TMEM245: variants seen among roughly 807,000 people sequenced by gnomAD.
The protein encoded by TMEM245 is protein CG-2.
In TMEM245, 69 loss-of-function variants were observed where a neutral mutation model predicts 101.2. The observed-to-expected ratio is 0.68, with a 90% CI of 0.56 to 0.83. The LOEUF is 0.83. Among genes scored for constraint, TMEM245 ranks in the 40% least tolerant of loss-of-function variants. The pLI, the probability that TMEM245 is intolerant of heterozygous loss-of-function variation, is 0.00. For missense variants in TMEM245, 1,075 were observed against 1,092.8 expected, an observed-to-expected ratio of 0.98 and a Z score of 0.23; for synonymous variants, 537 against 449.8, an observed-to-expected ratio of 1.19 and a Z score of -2.45.
chr9:109,088,464 TA>T (rs1829904748), intron 5 of TMEM245, among the ~76,000 whole-genome samples: 1 of 151,880 alleles, frequency 6.6e-6, no homozygotes, highest in Non-Finnish European at 1.5e-5. Context: ...TAACAAACTT[TA>T]AGGAAAAGAG....
intron 3 of TMEM245, among the ~76,000 whole-genome samples, chr9:109,100,270 GA>G (rs1273256698): frequency 2.0e-5 from 3 of 152,138 alleles, no homozygotes; most frequent in Non-Finnish European, 4.4e-5. Context: ...AGAGCCTGGG[GA>G]GGGGAAAGAA....
In TMEM245 at chr9:109,119,827, C is replaced by A. The variant is rs558457881; in HGVS notation, c.87G>T (p.Pro29=). ...GCGGGGTCTCCCCGCCACCGCCACT[C>A]GGCCCGACCGCGCGCGGGACCCGCG... ...PAPRVPRAVG[P]SGGGGETPRT... Residue 29 remains proline (P), a synonymous_variant, in exon 1 of 18, where the codon CCG becomes CCT. Coordinates refer to ENST00000374586, the MANE Select transcript of TMEM245 (RefSeq NM_032012.4). 2.1e-5 allele frequency: 29 copies of A among 1,364,278 alleles called. 2 individuals are homozygous for A. In the South Asian group the frequency reaches 5.3e-4, roughly 25 times the overall value. The allele number at this position is 1,364,278 out of a possible 1,614,324, so 84.5% of individuals were successfully genotyped here. A position where few individuals can be genotyped will look rare whatever the true frequency, so the allele number is the denominator to read the frequency against.
chr9:109,059,171 A>G (rs1828934285), intron 11 of TMEM245, among the ~76,000 whole-genome samples: 1 of 152,182 alleles, frequency 6.6e-6, no homozygotes, highest in African/African-American at 2.4e-5. Context: ...TTTTCAGCAG[A>G]TGGGATCAAA....
intron 3 of TMEM245, among the ~76,000 whole-genome samples, chr9:109,102,086 C>T (rs1267190594): frequency 6.6e-6 from 1 of 152,110 alleles, no homozygotes; most frequent in Non-Finnish European, 1.5e-5. Context: ...TGAAAGAAAA[C>T]AAAGGAGATA....
intron 17 of TMEM245, among the ~76,000 whole-genome samples, chr9:109,026,884 C>T (rs754645417): frequency 6.6e-6 from 1 of 151,990 alleles, no homozygotes; most frequent in Non-Finnish European, 1.5e-5. Flanking sequence ...TCTCTCTCTC[C>T]ATGTGACACA....
chr9:109,071,461 G>A (rs962212186), intron 9 of TMEM245, among the ~76,000 whole-genome samples: 11 of 151,568 alleles, frequency 7.3e-5, no homozygotes, highest in Non-Finnish European at 1.3e-4. Context: ...AAAATTAGCC[G>A]AGTATAGTGG....
At chr9:109,040,937 T>C (rs112681741) in intron 14 of TMEM245, among the ~76,000 whole-genome samples, 6 of 152,332 alleles carry the variant, frequency 3.9e-5, no homozygotes, top group African/African-American at 1.4e-4. Context: ...ATGCTTTCAT[T>C]TCTCGTCTGT....
At chr9:109,081,588 G>A (rs1305770639) in intron 7 of TMEM245, among the ~76,000 whole-genome samples, 1 of 152,064 alleles carries the variant, frequency 6.6e-6, no homozygotes, top group African/African-American at 2.4e-5. Context: ...GCACAAAACA[G>A]CCTTCAGGTT....
chr9:109,096,863 T>A (rs1250561613), intron 3 of TMEM245, among the ~76,000 whole-genome samples: 1 of 152,216 alleles, frequency 6.6e-6, no homozygotes, highest in Non-Finnish European at 1.5e-5. Context: ...AACAAGATCA[T>A]TGGATAGCTC....
chr9:109,045,258 C>T (rs533317715), intron 14 of TMEM245, among the ~76,000 whole-genome samples: 4 of 152,244 alleles, frequency 2.6e-5, no homozygotes, highest in Non-Finnish European at 5.9e-5. Context: ...TCACATCTTC[C>T]CTTTCTTGAT....
chr9:109,037,183 CA>C (rs1323783664), intron 15 of TMEM245, among the ~76,000 whole-genome samples: 1 of 152,184 alleles, frequency 6.6e-6, no homozygotes, highest in East Asian at 1.9e-4. Flanking sequence ...AGAAGCACCA[CA>C]ACAGATCTTA....
intron 3 of TMEM245, among the ~76,000 whole-genome samples, chr9:109,099,592 T>C (rs750635742): frequency 1.9e-4 from 29 of 152,200 alleles, no homozygotes; most frequent in Non-Finnish European, 3.2e-4. Context: ...CCTAAGTTTC[T>C]TCATTTGTAA....
At chr9:109,072,582 G>A (rs901723258) in intron 9 of TMEM245, among the ~76,000 whole-genome samples, 7 of 152,038 alleles carry the variant, frequency 4.6e-5, no homozygotes, top group African/African-American at 1.2e-4. Context: ...TTCCTTTGTC[G>A]CCACCGAACT....
At chr9:109,085,230 T>TG (rs1471956085) in intron 7 of TMEM245, among the ~76,000 whole-genome samples, 2 of 152,218 alleles carry the variant, frequency 1.3e-5, no homozygotes, top group African/African-American at 2.4e-5. Context: ...CCTAGCATCC[T>TG]GGGTAGTTAG....
chr9:109,118,842 C>T (rs752349162), intron 1 of TMEM245, among the ~76,000 whole-genome samples: 11 of 152,198 alleles, frequency 7.2e-5, no homozygotes, highest in Non-Finnish European at 1.3e-4. Context: ...CTAAGACACC[C>T]AAACCCCTCT....
In TMEM245 at chr9:109,020,206, C is replaced by T. The variant is rs560464422; in HGVS notation, c.*254G>A. 2 of 494,450 alleles carry T rather than the reference C, an allele frequency of 4.0e-6. No homozygotes were observed. The highest frequency in any genetic ancestry group is 4.7e-5 in the South Asian group (2 of 42,328). The allele number at this position is 494,450 out of a possible 1,614,324, so 30.6% of individuals were successfully genotyped here. ...CAGGGTACCAGTGTATAAAATGAAA[C>T]TTTTCAAGCCATCTTAACAACAGTT... On this transcript the variant is annotated 3_prime_UTR_variant, in exon 18 of 18. Coordinates refer to ENST00000374586, the MANE Select transcript of TMEM245 (RefSeq NM_032012.4).
chr9:109,057,051 T>C, intron 12 of TMEM245, 140 bp downstream of exon 12: 1 of 892,932 alleles, frequency 1.1e-6, no homozygotes, highest in Non-Finnish European at 1.6e-6. Context: ...ATCATCCTAG[T>C]GCATTTAGAG....
At chr9:109,117,373 C>T (rs1830753050) in intron 1 of TMEM245, among the ~76,000 whole-genome samples, 1 of 152,154 alleles carries the variant, frequency 6.6e-6, no homozygotes, top group African/African-American at 2.4e-5. Context: ...CCGCCTCGAC[C>T]TCCCAAAGTG....
At chr9:109,028,382 T>A (rs2417960) in intron 17 of TMEM245, among the ~76,000 whole-genome samples, 140,731 of 151,106 alleles carry the variant, frequency 0.93, 65,624 homozygotes, top group East Asian at 1. Flanking sequence ...TGAATCCGGG[T>A]GGCAGAGGTT....
Sources: allele counts gnomAD v4.1 joint callset (sites outside exome capture counted in the v4.1 genomes callset), GRCh38; gene constraint gnomAD v4.1.1; transcripts MANE v1.5; gene names NCBI Gene and HGNC (gene_info 2026-07-23, HGNC 2026-07-21).